Variants in GFRA2 observed in about 807,000 individuals in gnomAD.
GFRA2 encodes the protein GDNF family receptor alpha-2.
Under a neutral mutation model 48.3 loss-of-function variants are expected in GFRA2, and 17 were observed. The ratio of observed to expected loss-of-function variants is 0.35; its 90% CI spans 0.24 to 0.53. GFRA2 has a LOEUF of 0.53. Ranked by LOEUF, GFRA2 falls within the 20% of genes least tolerant of loss-of-function variation. The pLI is 0.93. For synonymous variants in GFRA2, 305 were observed against 257.2 expected (o/e 1.19, Z -1.78); for missense variants, 660 against 637.3 (o/e 1.04, Z -0.38).
At chr8:21,728,566 C>A (rs1396926557) in intron 4 of GFRA2, among the ~76,000 whole-genome samples, 1 of 152,102 alleles carries the variant, frequency 6.6e-6, no homozygotes, top group Non-Finnish European at 1.5e-5. Flanking sequence ...TGAGCCACGG[C>A]ACCCAGGCAA....
intron 3 of GFRA2, among the ~76,000 whole-genome samples, chr8:21,765,854 C>T (rs1806125153): frequency 2.0e-5 from 3 of 152,206 alleles, no homozygotes; most frequent in Admixed American, 2.0e-4. Flanking sequence ...ATCGAGTTGT[C>T]CATAAATTCA....
At chr8:21,718,702 G>A (rs776153188) in intron 4 of GFRA2, among the ~76,000 whole-genome samples, 7 of 152,140 alleles carry the variant, frequency 4.6e-5, no homozygotes, top group African/African-American at 9.7e-5. Context: ...ACAAGGGTTC[G>A]TTACCATCAC....
At chr8:21,748,819 C>G (rs1805134291) in intron 4 of GFRA2, among the ~76,000 whole-genome samples, 1 of 152,200 alleles carries the variant, frequency 6.6e-6, no homozygotes, top group African/African-American at 2.4e-5. Flanking sequence ...AACAGCCTCC[C>G]CCGACTTGCC....
chr8:21,694,424 C>A (rs1475961857), intron 8 of GFRA2, 40 bp downstream of exon 8: 1 of 1,590,828 alleles, frequency 6.3e-7, no homozygotes, highest in East Asian at 2.3e-5. Context: ...CCCCACCGGC[C>A]CAGCCTTCTG....
chr8:21,694,033 T>A (rs556517464), intron 8 of GFRA2, among the ~76,000 whole-genome samples: 114 of 120,730 alleles, frequency 9.4e-4, no homozygotes, highest in Admixed American at 1.8e-3. Context: ...ATATACGTCA[T>A]ATATATGAGA....
chr8:21,760,125 G>A (rs1805828566), intron 3 of GFRA2, among the ~76,000 whole-genome samples: 2 of 152,320 alleles, frequency 1.3e-5, no homozygotes, highest in Admixed American at 6.5e-5. Context: ...GAGCTTCCTG[G>A]AGGAGGCAGA....
intron 4 of GFRA2, among the ~76,000 whole-genome samples, chr8:21,714,121 C>G (rs1342531944): frequency 6.6e-6 from 1 of 152,124 alleles, no homozygotes; most frequent in African/African-American, 2.4e-5. Context: ...ATTAATAAAA[C>G]CTCCCCTGGT....
chr8:21,782,414 C>T (rs1247824618), intron 2 of GFRA2, among the ~76,000 whole-genome samples, 171 bp downstream of exon 2: 1 of 151,844 alleles, frequency 6.6e-6, no homozygotes, highest in Admixed American at 6.5e-5. Flanking sequence ...TGCCACCCTC[C>T]TAGGTGGGGC....
At chr8:21,727,549 G>C (rs4739217) in intron 4 of GFRA2, among the ~76,000 whole-genome samples, 60,308 of 152,136 alleles carry the variant, frequency 0.4, 14,689 homozygotes, top group East Asian at 0.61. Flanking sequence ...CCCCCCCCAG[G>C]AGACAGGCTG....
At chr8:21,714,015 C>T (rs1397814545) in intron 4 of GFRA2, among the ~76,000 whole-genome samples, 8 of 152,194 alleles carry the variant, frequency 5.3e-5, no homozygotes, top group Admixed American at 4.6e-4. Flanking sequence ...AACACACACA[C>T]ACCTATCGCC....
intron 1 of GFRA2, among the ~76,000 whole-genome samples, chr8:21,787,263 C>CG (rs1212097090): frequency 9.1e-4 from 45 of 49,194 alleles, no homozygotes; most frequent in East Asian, 3.6e-3. Context: ...TTGGAGGCGG[C>CG]GGGGGGGGCA....
chr8:21,747,415 G>A (rs925631791), intron 4 of GFRA2, among the ~76,000 whole-genome samples: 1 of 152,144 alleles, frequency 6.6e-6, no homozygotes, highest in Non-Finnish European at 1.5e-5. Flanking sequence ...GGTATGCATA[G>A]TTTCATCTTC....
chr8:21,713,028 G>A (rs1367123168), intron 4 of GFRA2, among the ~76,000 whole-genome samples: 2 of 149,314 alleles, frequency 1.3e-5, no homozygotes, highest in African/African-American at 2.5e-5. Context: ...GGGAGAGGGA[G>A]AGGGAGACGA....
At chr8:21,775,348 C>G (rs1806643077) in intron 2 of GFRA2, among the ~76,000 whole-genome samples, 2 of 152,230 alleles carry the variant, frequency 1.3e-5, no homozygotes, top group Admixed American at 1.3e-4. Flanking sequence ...CATGGCCAGC[C>G]CCCTTGGAAG....
intron 4 of GFRA2, among the ~76,000 whole-genome samples, chr8:21,716,940 T>C (rs1022826158): frequency 6.6e-6 from 1 of 152,250 alleles, no homozygotes; most frequent in African/African-American, 2.4e-5. Context: ...TAGCTGCTGC[T>C]GGCTCATTCT....
chr8:21,758,499 C>T lies in GFRA2; in HGVS notation c.440-7557G>A, dbSNP rs1805702386. Among the ~76,000 whole-genome samples, 8 of 152,268 alleles carry T rather than the reference C, an allele frequency of 5.3e-5. No individual in the cohort carries two copies. The South Asian group carries it at 1.4e-3, about 28-fold the overall frequency. Reference sequence around the variant, plus strand: ...AAACTGCCCCTCATCCCATTTGCAGCTGCAGTGTCCGTCCCTGAGCCCACC... The same window carrying T: ...AAACTGCCCCTCATCCCATTTGCAGTTGCAGTGTCCGTCCCTGAGCCCACC... On this transcript the variant is annotated intron_variant, in intron 3 of 8. Transcript: ENST00000524240.
intron 1 of GFRA2, among the ~76,000 whole-genome samples, chr8:21,811,264 C>A (rs1028402768): frequency 6.6e-6 from 1 of 152,152 alleles, no homozygotes; most frequent in Non-Finnish European, 1.5e-5. Context: ...GGTGAGGCAT[C>A]CTCACAGCGG....
chr8:21,783,512 C>T (rs372074742), intron 1 of GFRA2, among the ~76,000 whole-genome samples: 2,992 of 152,202 alleles, frequency 0.02, 46 homozygotes, highest in Non-Finnish European at 0.034. Context: ...TGGAAACACC[C>T]CCTCCGATTC....
chr8:21,754,336 A>C (rs1222238073), intron 3 of GFRA2, among the ~76,000 whole-genome samples: 1 of 152,154 alleles, frequency 6.6e-6, no homozygotes, highest in Non-Finnish European at 1.5e-5. Flanking sequence ...GTAAGTGCTC[A>C]AAAAATGTTG....
Sources: allele counts gnomAD v4.1 joint callset (sites outside exome capture counted in the v4.1 genomes callset), GRCh38; gene constraint gnomAD v4.1.1; transcripts MANE v1.5; gene names NCBI Gene and HGNC (gene_info 2026-07-23, HGNC 2026-07-21).